DMXL2: variants seen among roughly 807,000 people sequenced by gnomAD.
The protein encoded by DMXL2 is Dmx like 2, also known as dmX-like protein 2.
DMXL2 carries 103 observed loss-of-function variants against 331.1 expected under a neutral mutation model. The ratio of observed to expected loss-of-function variants is 0.31; its 90% CI spans 0.27 to 0.37. DMXL2 has a LOEUF of 0.37. Among genes scored for constraint, DMXL2 ranks in the 10% least tolerant of loss-of-function variants. DMXL2 has a pLI of 1.00. For missense variants in DMXL2, 3,171 were observed against 3,642.9 expected, an observed-to-expected ratio of 0.87 and a Z score of 3.33; for synonymous variants, 1,281 against 1,252.1, an observed-to-expected ratio of 1.02 and a Z score of -0.49.
chr15:51,473,282 T>C (rs187418200), intron 28 of DMXL2, among the ~76,000 whole-genome samples: 7 of 152,318 alleles, frequency 4.6e-5, no homozygotes, highest in East Asian at 1.9e-4. Context: ...TCTTTGTTAA[T>C]TGCCTGATAG....
rs757133934 is a variant in DMXL2, at chr15:51,538,328, T to C, written c.1230A>G (p.Gln410=). Residue 410 remains glutamine (Q), a synonymous_variant, in exon 10 of 44, where the codon CAA becomes CAG. Transcript: ENST00000560891. ...CCTGCTTATCAGAAAGTTTTCGTAA[T>C]TGATGCATAAATACTTCTGTAGATG... is the stretch of plus-strand genomic sequence containing the variant. ...FTSSTEVFMH[Q]LRKLSDKQVD... The C allele has an allele frequency of 9.3e-6, 15 of 1,613,926 alleles. 1 individual carries two copies. In the South Asian group the frequency reaches 1.3e-4, roughly 14 times the overall value.
intron 1 of DMXL2, among the ~76,000 whole-genome samples, chr15:51,607,050 C>G (rs1315154108): frequency 6.6e-6 from 1 of 151,880 alleles, no homozygotes; most frequent in Non-Finnish European, 1.5e-5. Flanking sequence ...CCCAGCTACT[C>G]GGGAGGCTGA....
chr15:51,535,848 G>T, intron 12 of DMXL2, 64 bp from the exon 13 acceptor site: 1 of 1,509,878 alleles, frequency 6.6e-7, no homozygotes, highest in Non-Finnish European at 8.8e-7. Context: ...ATTGGCTAAA[G>T]GATAAGAAAC....
At chr15:51,541,803 C>G (rs565061066) in intron 9 of DMXL2, among the ~76,000 whole-genome samples, 6 of 152,042 alleles carry the variant, frequency 3.9e-5, no homozygotes, top group Non-Finnish European at 8.8e-5. Context: ...TTTGCCAACA[C>G]AGAACCTGCC....
At chr15:51,484,265 C>T (rs189463402) in intron 23 of DMXL2, among the ~76,000 whole-genome samples, 1 of 152,352 alleles carries the variant, frequency 6.6e-6, no homozygotes, top group Non-Finnish European at 1.5e-5. Flanking sequence ...ACCATGTACC[C>T]ACACTCCTGG....
chr15:51,541,274 T>A (rs1456431060), intron 9 of DMXL2, among the ~76,000 whole-genome samples: 2 of 152,116 alleles, frequency 1.3e-5, no homozygotes, highest in Non-Finnish European at 2.9e-5. Context: ...GATATTTCAA[T>A]AGCCACGTTA....
Position 51,458,795 on chromosome 15 carries a change from C to A in DMXL2, c.7990G>T (p.Val2664Phe). Residue 2664 changes from valine to phenylalanine, a missense_variant and splice_region_variant, in exon 35 of 44, where the codon GTT becomes TTT. By Grantham distance (50) the Val-to-Phe change is conservative. This residue lies in a region of DMXL2 where 766 missense variants were observed against 940.5 expected (regional missense o/e 0.81). Coordinates refer to ENST00000560891, the MANE Select transcript of DMXL2 (RefSeq NM_001378457.1). ...NCIAEDCHIK[V>F]EADLGYPGGK... ...CCTGGATAGCCCAGATCAGCTTCAA[C>A]CTAGAAAACATTCATCAGCAGTTTT... 6.2e-7 allele frequency: 1 copy of A among 1,613,752 alleles called. No individual in the cohort carries two copies. The highest frequency in any genetic ancestry group is 8.5e-7 in the Non-Finnish European group (1 of 1,179,786).
At chr15:51,479,844 G>A in intron 25 of DMXL2, 104 bp downstream of exon 25, 1 of 804,154 alleles carries the variant, frequency 1.2e-6, no homozygotes, top group Non-Finnish European at 1.8e-6. Context: ...AGTGAGAAAG[G>A]TAGCACTTTG....
intron 1 of DMXL2, among the ~76,000 whole-genome samples, chr15:51,594,007 T>C (rs903649085): frequency 1.5e-4 from 23 of 151,916 alleles, no homozygotes; most frequent in African/African-American, 5.6e-4. Context: ...TTAAAAGAAC[T>C]AGAGAAGCAA....
At chr15:51,469,758 G>A (rs550501710) in intron 29 of DMXL2, among the ~76,000 whole-genome samples, 1 of 152,292 alleles carries the variant, frequency 6.6e-6, no homozygotes, top group East Asian at 1.9e-4. Context: ...TTTTAAAAAG[G>A]TAGGAGTGGG....
Position 51,464,694 on chromosome 15 carries a change from G to A in DMXL2, c.7789C>T (p.Pro2597Ser). Residue 2597 changes from proline to serine, a missense_variant, in exon 32 of 44, where the codon CCT (proline) becomes TCT (serine). Pro to Ser is a moderately conservative substitution (Grantham distance 74, BLOSUM62 -1). This residue lies in a region of DMXL2 where 766 missense variants were observed against 940.5 expected (regional missense o/e 0.81). Coordinates refer to ENST00000560891, the MANE Select transcript of DMXL2 (RefSeq NM_001378457.1). ...AILRNKAMLE[P>S]ENTPFKSRDS... The stretch of plus-strand genomic sequence containing the variant: ...TCTTACTTGAATGGGGTATTTTCAG[G>A]TTCTAGCATTGCTTTATTTCGAAGA... The A allele has an allele frequency of 1.2e-6, 2 of 1,613,958 alleles. No individual in the cohort carries two copies. Among genetic ancestry groups the A allele is most frequent in the East Asian group, 2.2e-5 (1 of 44,868 alleles).
intron 6 of DMXL2, among the ~76,000 whole-genome samples, chr15:51,555,663 TGAA>T (rs1169541797): frequency 6.6e-6 from 1 of 152,044 alleles, no homozygotes. Flanking sequence ...ATATCAAAAC[TGAA>T]GAAGAAATCA....
chr15:51,546,415 A>AAAAAGT (rs2048893130), intron 7 of DMXL2, among the ~76,000 whole-genome samples: 2 of 152,156 alleles, frequency 1.3e-5, no homozygotes. Flanking sequence ...ATTTAGATTC[A>AAAAAGT]AAAAGTATAT....
chr15:51,536,235 T>C lies in DMXL2; in HGVS notation c.2245A>G (p.Asn749Asp). The C allele has an allele frequency of 6.2e-7, 1 of 1,613,702 alleles. No individual in the cohort carries two copies. The highest frequency in any genetic ancestry group is 8.5e-7 in the Non-Finnish European group (1 of 1,179,818). Residue 749 changes from asparagine (N) to aspartate (D), a missense_variant, in exon 12 of 44, where the codon AAC (asparagine) becomes GAC (aspartate). Asn to Asp is a conservative substitution (Grantham distance 23). Around this residue, in one of 7 missense-constraint regions of DMXL2, gnomAD observed 1,674 missense variants for 1,780.2 expected, o/e 0.94. Coordinates refer to ENST00000560891, the MANE Select transcript of DMXL2 (RefSeq NM_001378457.1). The stretch of plus-strand genomic sequence containing the variant: ...GAGAACGCTGAGGTATGTAAAGAGT[T>C]AATTCGAGCCAATTCTGATACTCCT... Reference protein sequence around the residue: ...TGGVSELARINSLHTSAFSNV... With the variant: ...TGGVSELARIDSLHTSAFSNV...
intron 1 of DMXL2, among the ~76,000 whole-genome samples, chr15:51,585,473 A>C (rs1294234746): frequency 1.3e-5 from 2 of 152,084 alleles, no homozygotes; most frequent in Non-Finnish European, 2.9e-5. Context: ...GCTTTGCCAT[A>C]ATTAATTTTG....
At position 51,448,746 on chromosome 15, in the gene DMXL2, T is replaced by A; in HGVS notation, c.*238A>T. On this transcript the variant is annotated 3_prime_UTR_variant, in exon 44 of 44. Transcript: ENST00000560891. ...TCTGAATCAGGTTTGCTAAATGCTG[T>A]AAAGAATAGCTATCCTTCATACAAT... 2.0e-6 allele frequency: 1 copy of A among 505,604 alleles called. No homozygotes were observed. The highest frequency in any genetic ancestry group is 3.1e-5 in the East Asian group (1 of 31,976). 31.3% of individuals were successfully genotyped at this position (505,604 alleles called of 1,614,324 possible). A position where few individuals can be genotyped will look rare whatever the true frequency, so the allele number is the denominator to read the frequency against.
In DMXL2 at chr15:51,489,933, T is replaced by C. The variant is rs1187043401; in HGVS notation, c.4954-1288A>G. Among the ~76,000 whole-genome samples the C allele has an allele frequency of 2.0e-5, 3 of 152,232 alleles. No homozygotes were observed. The East Asian group carries it at 5.8e-4, about 29-fold the overall frequency. The stretch of plus-strand genomic sequence containing the variant: ...TGTATATTATCACAGATAATCATAA[T>C]GACAAGACACATGTTGACAAGAAGT... On this transcript the variant is annotated intron_variant, in intron 20 of 43. Coordinates refer to ENST00000560891, the MANE Select transcript of DMXL2 (RefSeq NM_001378457.1).
At chr15:51,601,058 G>A (rs531217027) in intron 1 of DMXL2, among the ~76,000 whole-genome samples, 57 of 152,190 alleles carry the variant, frequency 3.7e-4, no homozygotes, top group African/African-American at 6.0e-4. Context: ...TTGGGAGACC[G>A]AGGCGGGCGG....
rs777791057 is a variant in DMXL2, at chr15:51,498,614, A to C, written c.4610T>G (p.Leu1537Trp). 1.9e-6 allele frequency: 3 copies of C among 1,614,174 alleles called. No individual in the cohort carries two copies. The highest frequency in any genetic ancestry group is 2.5e-6 in the Non-Finnish European group (3 of 1,180,000). The change falls in exon 18 of 44, where the codon TTG (leucine) becomes TGG (tryptophan). Residue 1537 changes from leucine (L) to tryptophan (W), a missense_variant. Physicochemically the swap from Leu to Trp is moderately conservative, Grantham distance 61 (BLOSUM62 -2). This residue lies in a region of DMXL2 where 252 missense variants were observed against 387.4 expected (regional missense o/e 0.65). Coordinates refer to ENST00000560891, the MANE Select transcript of DMXL2 (RefSeq NM_001378457.1). ...TRLEQMFLVALADTVATTSTE... is the reference protein window; with the variant it reads ...TRLEQMFLVAWADTVATTSTE... Reference sequence around the variant, plus strand: ...ACTAGTAGTAGCCACTGTATCAGCCAAAGCTACAAGGAACATCTGCTCCAA... The same window carrying C: ...ACTAGTAGTAGCCACTGTATCAGCCCAAGCTACAAGGAACATCTGCTCCAA...
Sources: gnomAD v4.1 joint callset for allele counts (sites outside exome capture counted in the v4.1 genomes callset) on GRCh38, gnomAD v4.1.1 for gene constraint, gnomAD v4.1.1 regional missense constraint, MANE v1.5 for transcripts, NCBI Gene and HGNC (gene_info 2026-07-23, HGNC 2026-07-21) for gene names.